The following PPFIA2 variants were observed in gnomAD, a reference collection of about 807,000 sequenced individuals.
PPFIA2 encodes the protein liprin-alpha-2.
Under a neutral mutation model 175.5 loss-of-function variants are expected in PPFIA2, and 46 were observed. That is an observed-to-expected ratio of 0.26 (90% confidence interval 0.21 to 0.34). The LOEUF (loss-of-function observed/expected upper bound fraction) is 0.34, where lower values mean the gene tolerates loss of function less well. PPFIA2 is among the 10% of genes least tolerant of loss of function. The pLI is 1.00. For missense variants in PPFIA2, 1,179 were observed against 1,506.1 expected (o/e 0.78, Z 3.60); for synonymous variants, 568 against 511.4 (o/e 1.11, Z -1.49).
chr12:81,573,828 G>T (rs1381711436), intron 4 of PPFIA2, among the ~76,000 whole-genome samples: 2 of 151,860 alleles, frequency 1.3e-5, no homozygotes, highest in Non-Finnish European at 2.9e-5. Flanking sequence ...TGTGGTTAAA[G>T]AAGCTTTTAT....
chr12:81,355,951 ATTTTCCTTCAGGAAC>A (rs912249653), intron 16 of PPFIA2, among the ~76,000 whole-genome samples: 3 of 152,164 alleles, frequency 2.0e-5, no homozygotes, highest in Non-Finnish European at 4.4e-5. Flanking sequence ...GTTGTTTCTT[ATTTTCCTTCAGGAAC>A]TTTTCCTTTG....
intron 7 of PPFIA2, among the ~76,000 whole-genome samples, chr12:81,437,396 A>AT (rs368655043): frequency 0.093 from 14,185 of 151,968 alleles, 820 homozygotes; most frequent in Middle Eastern, 0.16. Context: ...AGCCCAGCTA[A>AT]TTTTTTGTAT....
intron 8 of PPFIA2, among the ~76,000 whole-genome samples, chr12:81,403,690 TTCC>T (rs2042431153): frequency 1.3e-5 from 2 of 152,128 alleles, no homozygotes; most frequent in African/African-American, 4.8e-5. Flanking sequence ...GAATAGAACA[TTCC>T]TCTAGGAACA....
At chr12:81,682,885 C>T (rs372221169) in intron 3 of PPFIA2, among the ~76,000 whole-genome samples, 9 of 151,966 alleles carry the variant, frequency 5.9e-5, no homozygotes, top group African/African-American at 2.2e-4. Context: ...AAGCTTCAGT[C>T]GACACAGCTG....
intron 7 of PPFIA2, among the ~76,000 whole-genome samples, chr12:81,439,710 T>C (rs2049807077): frequency 6.6e-6 from 1 of 152,202 alleles, no homozygotes; most frequent in African/African-American, 2.4e-5. Context: ...ACGTTCTGCC[T>C]GTAGTCTTTC....
At position 81,421,975 on chromosome 12, in the gene PPFIA2, A is replaced by G. The variant is rs142434532; in HGVS notation, c.646-16072T>C. Among the ~76,000 whole-genome samples the G allele has an allele frequency of 6.3e-3, 957 of 151,710 alleles. 12 individuals carry two copies. The highest frequency in any genetic ancestry group is 0.022 in the African/African-American group (912 of 41,446). ...GAAAGCTGGGAATGGCTATGCTTAT[A>G]TCAGACAAAATAGACTTTAAGTCTA... is the stretch of plus-strand genomic sequence containing the variant. On this transcript the variant is annotated intron_variant, in intron 7 of 32. Transcript: ENST00000549396.
At chr12:81,734,970 A>G (rs1434025409) in intron 3 of PPFIA2, among the ~76,000 whole-genome samples, 3 of 151,806 alleles carry the variant, frequency 2.0e-5, no homozygotes, top group African/African-American at 4.8e-5. Context: ...GATGATTTTT[A>G]AAGTTTCATT....
At chr12:81,440,083 TCCCATAC>T in intron 6 of PPFIA2, 37 bp from the exon 7 acceptor site, 6 of 1,450,528 alleles carry the variant, frequency 4.1e-6, no homozygotes, top group African/African-American at 1.4e-5. Context: ...GTAATGTACA[TCCCATAC>T]ATATTAAACT....
intron 7 of PPFIA2, among the ~76,000 whole-genome samples, chr12:81,416,850 A>G (rs1190812434): frequency 6.6e-6 from 1 of 151,744 alleles, no homozygotes; most frequent in African/African-American, 2.4e-5. Context: ...TTAGGCTGAG[A>G]AGAGAGTGAA....
chr12:81,633,692 G>A (rs11611766), intron 4 of PPFIA2, among the ~76,000 whole-genome samples: 8,491 of 152,020 alleles, frequency 0.056, 387 homozygotes, highest in East Asian at 0.22. Context: ...ACTAAGGATC[G>A]CATTTATATA....
chr12:81,677,183 T>C (rs888022992), intron 3 of PPFIA2, among the ~76,000 whole-genome samples: 5 of 151,848 alleles, frequency 3.3e-5, no homozygotes, highest in Admixed American at 6.6e-5. Context: ...ATTAAACCCA[T>C]GGAAAATGTT....
In PPFIA2 at chr12:81,737,338, A is replaced by C. The variant is rs376682682; in HGVS notation, c.249+16635T>G. Reference sequence around the variant, plus strand: ...TCACTTGGAGGTGAGACTCCTAAGAACTGTACCCTAGAAGAAATAATCCCT... The same window carrying C: ...TCACTTGGAGGTGAGACTCCTAAGACCTGTACCCTAGAAGAAATAATCCCT... On this transcript the variant is annotated intron_variant, in intron 3 of 32. Transcript: ENST00000549396. Among the ~76,000 whole-genome samples the C allele has an allele frequency of 1.4e-4, 22 of 152,082 alleles. No homozygotes were observed. The South Asian group carries it at 2.3e-3, about 16-fold the overall frequency.
chr12:81,394,010 T>C (rs2040621699), intron 8 of PPFIA2, among the ~76,000 whole-genome samples: 1 of 151,996 alleles, frequency 6.6e-6, no homozygotes, highest in South Asian at 2.1e-4. Flanking sequence ...GCATGGATGG[T>C]GTTGGATTTT....
intron 24 of PPFIA2, among the ~76,000 whole-genome samples, chr12:81,288,222 G>T (rs771249606): frequency 6.6e-6 from 1 of 151,752 alleles, no homozygotes; most frequent in African/African-American, 2.4e-5. Context: ...ACACTAAAAA[G>T]TTTACATTAT....
At chr12:81,656,597 A>G (rs140226835) in intron 4 of PPFIA2, among the ~76,000 whole-genome samples, 83 of 152,224 alleles carry the variant, frequency 5.5e-4, no homozygotes, top group Non-Finnish European at 1.1e-3. Context: ...GTAATCTGTG[A>G]TAAAGGAAAG....
intron 3 of PPFIA2, among the ~76,000 whole-genome samples, chr12:81,687,766 ATAAT>A (rs1567867008): frequency 6.6e-6 from 1 of 151,858 alleles, no homozygotes; most frequent in Admixed American, 6.6e-5. Flanking sequence ...ATTTATTATA[ATAAT>A]TAATATTAAT....
chr12:81,445,796 A>G (rs530668483), intron 5 of PPFIA2, 76 bp from the exon 6 acceptor site: 10 of 1,391,460 alleles, frequency 7.2e-6, no homozygotes, highest in South Asian at 1.4e-5. Context: ...TCCCCCTTAA[A>G]TTATTGCAGG....
At chr12:81,462,514 T>G (rs1475218048) in intron 4 of PPFIA2, among the ~76,000 whole-genome samples, 1 of 145,630 alleles carries the variant, frequency 6.9e-6, no homozygotes, top group Admixed American at 7.0e-5. Context: ...GTTTCTTACC[T>G]TTTTCACTCA....
intron 22 of PPFIA2, among the ~76,000 whole-genome samples, chr12:81,316,947 C>A (rs1275978789): frequency 1.3e-5 from 2 of 151,624 alleles, no homozygotes; most frequent in East Asian, 3.9e-4. Flanking sequence ...TTTTGTATAA[C>A]ACAGTGCCTG....
Sources: allele counts gnomAD v4.1 joint callset (sites outside exome capture counted in the v4.1 genomes callset), GRCh38; gene constraint gnomAD v4.1.1; transcripts MANE v1.5; gene names NCBI Gene and HGNC (gene_info 2026-07-23, HGNC 2026-07-21).